The following WDPCP variants were observed in gnomAD, a reference collection of about 807,000 sequenced individuals.
The protein encoded by WDPCP is WD repeat containing planar cell polarity effector.
A neutral mutation model predicts 93.1 loss-of-function variants in WDPCP; 71 were observed. The ratio of observed to expected loss-of-function variants is 0.76; its 90% CI spans 0.63 to 0.93. WDPCP has a LOEUF of 0.93. Ranked by LOEUF, WDPCP falls within the 40% of genes least tolerant of loss-of-function variation. The pLI, the probability that WDPCP is intolerant of heterozygous loss-of-function variation, is 0.00. For missense variants in WDPCP, 844 were observed against 887.4 expected (o/e 0.95, Z 0.62); for synonymous variants, 315 against 315.0 (o/e 1.00, Z 0.00).
chr2:63,449,269 T>C (rs1241344221), intron 6 of WDPCP, among the ~76,000 whole-genome samples: 3 of 152,176 alleles, frequency 2.0e-5, no homozygotes, highest in African/African-American at 7.2e-5. Flanking sequence ...GTGAGGTAGT[T>C]AGTAATTAGA....
In WDPCP at chr2:63,588,364, A is replaced by ACGCCGC. The variant is rs563531309; in HGVS notation, c.-99_-94dup. On this transcript the variant is annotated 5_prime_UTR_variant, in exon 1 of 18. Transcript: ENST00000272321. ...TCGCTTGGTCTCTTGGGTCTCCAGG[A>ACGCCGC]CGCCGCCGCCGCCGCCACAGTTTCC... 2.3e-3 allele frequency: 3,277 copies of ACGCCGC among 1,437,032 alleles called. 99 individuals carry two copies. The South Asian group carries it at 0.035, about 16-fold the overall frequency. 89.0% of individuals were successfully genotyped at this position (1,437,032 alleles called of 1,614,324 possible).
In WDPCP at chr2:63,588,247, C is replaced by G. The variant is rs780151486; in HGVS notation, c.25G>C (p.Ala9Pro). 14 of 1,577,984 alleles carry G rather than the reference C, an allele frequency of 8.9e-6. No individual in the cohort carries two copies. The South Asian group carries it at 1.5e-4, about 17-fold the overall frequency. MRREFCWDAYSKAAGSRAS... is the reference protein window; with the variant it reads MRREFCWDPYSKAAGSRAS... ...CGACTCCCGGCCGCTTTGGAGTAGGCGTCCCAGCAAAACTCTCGCCTCATC... is the reference window on the plus strand; with the variant it reads ...CGACTCCCGGCCGCTTTGGAGTAGGGGTCCCAGCAAAACTCTCGCCTCATC... The change falls in exon 1 of 18, where the codon GCC becomes CCC. Residue 9 changes from alanine (A) to proline (P), a missense_variant. Ala to Pro is a conservative substitution (Grantham distance 27, BLOSUM62 -1). Transcript: ENST00000272321.
chr2:63,445,382 C>T (rs184926409), intron 6 of WDPCP, among the ~76,000 whole-genome samples: 5 of 152,196 alleles, frequency 3.3e-5, no homozygotes, highest in Admixed American at 2.0e-4. Context: ...TGGAATACAA[C>T]GTACCTAGAA....
chr2:63,769,877 A>G (rs1249159433), intron 2 of WDPCP, among the ~76,000 whole-genome samples: 5 of 151,810 alleles, frequency 3.3e-5, no homozygotes, highest in African/African-American at 1.2e-4. Context: ...TTTTTCTTTA[A>G]GTTTCTGTTA....
At chr2:63,361,976 A>G (rs1350174469) in intron 12 of WDPCP, among the ~76,000 whole-genome samples, 1 of 152,130 alleles carries the variant, frequency 6.6e-6, no homozygotes, top group African/African-American at 2.4e-5. Flanking sequence ...TTTTGGAGGT[A>G]CATGTGATAT....
intron 9 of WDPCP, among the ~76,000 whole-genome samples, chr2:63,409,128 A>C (rs1261117656): frequency 6.6e-6 from 1 of 152,156 alleles, no homozygotes. Context: ...CAAAGCTAAG[A>C]ACCCTCACAA....
chr2:63,716,771 A>T (rs1318137516), intron 2 of WDPCP, among the ~76,000 whole-genome samples: 2 of 152,232 alleles, frequency 1.3e-5, no homozygotes, highest in Non-Finnish European at 1.5e-5. Context: ...CAAATTAAAT[A>T]TTAAAGACTG....
intron 3 of WDPCP, among the ~76,000 whole-genome samples, chr2:63,604,137 A>C (rs1284796814): frequency 6.6e-6 from 1 of 152,218 alleles, no homozygotes. Context: ...TCTTTCCTTC[A>C]GTTTCCTGAT....
intron 1 of WDPCP, among the ~76,000 whole-genome samples, chr2:63,823,334 C>A (rs749279176): frequency 1.3e-5 from 2 of 151,904 alleles, no homozygotes; most frequent in Non-Finnish European, 2.9e-5. Flanking sequence ...GGTGATACCC[C>A]GTCTCTACTA....
At chr2:63,325,582 C>T (rs188733180) in intron 12 of WDPCP, among the ~76,000 whole-genome samples, 297 of 152,294 alleles carry the variant, frequency 2.0e-3, no homozygotes, top group Non-Finnish European at 3.6e-3. Flanking sequence ...GGTCCGTTAC[C>T]GTCCGAGAAA....
intron 1 of WDPCP, among the ~76,000 whole-genome samples, chr2:63,563,466 A>G (rs1357933877): frequency 6.6e-6 from 1 of 152,010 alleles, no homozygotes; most frequent in Non-Finnish European, 1.5e-5. Context: ...AAAGCCACAT[A>G]TTGTATAATT....
rs114139242 is a variant in WDPCP at position 63,756,139 on chromosome 2, G to C, written n.308+57483C>G. Among the ~76,000 whole-genome samples the C allele has an allele frequency of 5.9e-3, 897 of 152,324 alleles. 3 individuals carry two copies. Among genetic ancestry groups the C allele is most frequent in the Non-Finnish European group, 9.8e-3 (666 of 68,016 alleles). On this transcript the variant is annotated intron_variant and non_coding_transcript_variant, in intron 2 of 4. Transcript: ENST00000467687. ...TGGCTTTGAGTCATATTCTGCATCA[G>C]TGAACTGGAATTCAGAATGTTATTG...
chr2:63,627,403 A>G (rs1173370632), intron 3 of WDPCP, among the ~76,000 whole-genome samples: 1 of 152,230 alleles, frequency 6.6e-6, no homozygotes, highest in Non-Finnish European at 1.5e-5. Context: ...GACAGGAGGC[A>G]GAGAAATTCT....
intron 2 of WDPCP, among the ~76,000 whole-genome samples, chr2:63,808,935 A>C (rs1394726383): frequency 2.0e-5 from 3 of 151,480 alleles, no homozygotes; most frequent in Non-Finnish European, 4.4e-5. Context: ...CTAGGAAGTG[A>C]GGAGTGTCTC....
intron 14 of WDPCP, among the ~76,000 whole-genome samples, chr2:63,186,117 T>C (rs1417134961): frequency 4.6e-5 from 7 of 152,088 alleles, no homozygotes; most frequent in African/African-American, 1.7e-4. Context: ...TCTCACTCCT[T>C]AGAACCAATG....
At chr2:63,424,628 G>C (rs970039790) in intron 9 of WDPCP, among the ~76,000 whole-genome samples, 2 of 152,206 alleles carry the variant, frequency 1.3e-5, no homozygotes, top group African/African-American at 4.8e-5. Flanking sequence ...CAGGGTTACA[G>C]CACACAGCTC....
At chr2:63,736,999 C>A (rs1053386372) in intron 2 of WDPCP, among the ~76,000 whole-genome samples, 3 of 152,070 alleles carry the variant, frequency 2.0e-5, no homozygotes, top group African/African-American at 7.2e-5. Context: ...CAAACGACAG[C>A]ACAAAAACAA....
intron 6 of WDPCP, among the ~76,000 whole-genome samples, chr2:63,450,799 CA>C (rs1204758528): frequency 6.6e-6 from 1 of 152,054 alleles, no homozygotes; most frequent in Non-Finnish European, 1.5e-5. Context: ...GAATCAAAGC[CA>C]AAACACCCCA....
chr2:63,705,145 T>G (rs956671916), intron 2 of WDPCP, among the ~76,000 whole-genome samples: 3 of 152,186 alleles, frequency 2.0e-5, no homozygotes, highest in African/African-American at 7.2e-5. Context: ...GGTGGTGATA[T>G]CCCCTTTGTC....
Sources: allele counts gnomAD v4.1 joint callset (sites outside exome capture counted in the v4.1 genomes callset), GRCh38; gene constraint gnomAD v4.1.1; transcripts MANE v1.5; gene names NCBI Gene and HGNC (gene_info 2026-07-23, HGNC 2026-07-21).